The following CYP2A6 variants were observed in gnomAD, a reference collection of about 807,000 sequenced individuals.
The protein encoded by CYP2A6 is cytochrome P450 family 2 subfamily A member 6, also known as cytochrome P450 2A6.
Under a neutral mutation model 42.3 loss-of-function variants are expected in CYP2A6, and 27 were observed. That is an observed-to-expected ratio of 0.64 (90% CI 0.47 to 0.88). The LOEUF is 0.88. Ranked by LOEUF, CYP2A6 falls within the 40% of genes least tolerant of loss-of-function variation. CYP2A6 has a pLI of 0.00. For missense variants in CYP2A6, 628 were observed against 646.0 expected, an observed-to-expected ratio of 0.97 and a Z score of 0.30; for synonymous variants, 238 against 246.3, an observed-to-expected ratio of 0.97 and a Z score of 0.31.
chr19:40,850,296 C>A lies in CYP2A6; in HGVS notation c.131G>T (p.Gly44Val). 1 of 1,610,122 alleles carries A rather than the reference C, an allele frequency of 6.2e-7. No homozygotes were observed. Among genetic ancestry groups the A allele is most frequent in the Non-Finnish European group, 8.5e-7 (1 of 1,178,784 alleles). Residue 44 changes from glycine to valine, a missense_variant, in exon 1 of 9, where the codon GGA becomes GTA. Around this residue, in one of 2 missense-constraint regions of CYP2A6, gnomAD observed 606 missense variants for 568.1 expected, o/e 1.07. Transcript: ENST00000301141. ...CTCTGTGTTCAGCTGCAGGTAGTTT[C>A]CAATGAAGGGCAATGGGGTGGGTCC... ...PPGPTPLPFIGNYLQLNTEQM... is the reference protein window; with the variant it reads ...PPGPTPLPFIVNYLQLNTEQM...
intron 2 of CYP2A6, among the ~76,000 whole-genome samples, chr19:40,849,052 G>GAGAGAGAGAT (rs1967170911): frequency 8.2e-6 from 1 of 121,452 alleles, no homozygotes; most frequent in South Asian, 3.4e-4. Context: ...AGAGGAGAGA[G>GAGAGAGAGAT]AGAGAGAGAG....
rs1967191107 is a variant in CYP2A6 at position 40,849,994 on chromosome 19, G to T, written c.181-14C>A. 1 of 1,609,890 alleles carries T rather than the reference G, an allele frequency of 6.2e-7. No individual in the cohort carries two copies. The highest frequency in any genetic ancestry group is 8.5e-7 in the Non-Finnish European group (1 of 1,178,746). ...GCGCTCACTGATCTGATGGAGGTGG[G>T]TGGGAGTGGTTAGAGGGAGAAGCCT... On this transcript the variant is annotated splice_polypyrimidine_tract_variant and intron_variant, in intron 1 of 8. Coordinates refer to ENST00000301141, the MANE Select transcript of CYP2A6 (RefSeq NM_000762.6).
In CYP2A6 at chr19:40,848,625, C is replaced by G. The variant is rs778984180; in HGVS notation, c.482G>C (p.Arg161Pro). Reference sequence around the variant, plus strand: ...GGTCCCCTGCTCACCGCCAGTGCCCCGGAGGGCGTCGATGAGGAAGCCCGC... The same window carrying G: ...GGTCCCCTGCTCACCGCCAGTGCCCGGGAGGGCGTCGATGAGGAAGCCCGC... ...EEAGFLIDAL[R>P]GTGGANIDPT... is the part of the protein sequence containing the mutation. Residue 161 changes from arginine (R) to proline (P), a missense_variant, in exon 3 of 9, where the codon CGG (arginine) becomes CCG (proline). By Grantham distance (103) the Arg-to-Pro change is moderately radical. Around this residue, in one of 2 missense-constraint regions of CYP2A6, gnomAD observed 606 missense variants for 568.1 expected, o/e 1.07. Coordinates refer to ENST00000301141, the MANE Select transcript of CYP2A6 (RefSeq NM_000762.6). 7.4e-6 allele frequency: 12 copies of G among 1,611,408 alleles called. 1 individual carries two copies. The East Asian group carries it at 2.1e-4, about 28-fold the overall frequency.
chr19:40,847,748 G>A (rs1967125969), intron 4 of CYP2A6, among the ~76,000 whole-genome samples: 1 of 151,680 alleles, frequency 6.6e-6, no homozygotes, highest in Non-Finnish European at 1.5e-5. Flanking sequence ...AGGGCGCTTG[G>A]CCAGATATTC....
At chr19:40,848,157 A>C in intron 4 of CYP2A6, 62 bp downstream of exon 4, 1 of 1,596,158 alleles carries the variant, frequency 6.3e-7, no homozygotes, top group Non-Finnish European at 8.5e-7. Flanking sequence ...ACCTGTCTCC[A>C]GGTAGGGGAG....
In CYP2A6 at chr19:40,846,852, C is replaced by A. The variant is rs775542001; in HGVS notation, c.831+23G>T. On this transcript the variant is annotated intron_variant, in intron 5 of 8. Coordinates refer to ENST00000301141, the MANE Select transcript of CYP2A6 (RefSeq NM_000762.6). ...TCCCTCTGCCTGGCTTTGCATCTCC[C>A]CGCAGTGGCTGCTGGGGTGTACCTC... 5.0e-6 allele frequency: 8 copies of A among 1,609,972 alleles called. 1 individual carries two copies. The South Asian group carries it at 8.8e-5, about 18-fold the overall frequency.
At chr19:40,848,460 G>T in intron 3 of CYP2A6, 81 bp from the exon 4 acceptor site, 1 of 1,592,420 alleles carries the variant, frequency 6.3e-7, no homozygotes, top group Non-Finnish European at 8.6e-7. Context: ...AGGAGGCAGG[G>T]CCTTGTTGAG....
intron 2 of CYP2A6, among the ~76,000 whole-genome samples, chr19:40,849,044 AGG>A (rs1967169453): frequency 5.1e-4 from 7 of 13,810 alleles, no homozygotes; most frequent in African/African-American, 1.5e-3. Flanking sequence ...GAAGAGAGAG[AGG>A]AGAGAGAGAG....
chr19:40,848,690 C>A lies in CYP2A6; in HGVS notation c.417G>T (p.Gly139=). Residue 139 remains glycine (G), a synonymous_variant, in exon 3 of 9, where the codon GGG becomes GGT. Transcript: ENST00000301141. Reference sequence around the variant, plus strand: ...GCTCCTCGATGCCTCGCTTGCCCACCCCGAAGTCCCGCAGGGTGGCGATGG... The same window carrying A: ...GCTCCTCGATGCCTCGCTTGCCCACACCGAAGTCCCGCAGGGTGGCGATGG... ...RFSIATLRDF[G]VGKRGIEERI... 1 of 1,611,972 alleles carries A rather than the reference C, an allele frequency of 6.2e-7. No homozygotes were observed. Among genetic ancestry groups the A allele is most frequent in the Admixed American group, 1.7e-5 (1 of 60,010 alleles).
Position 40,846,231 on chromosome 19 carries a change from G to T in CYP2A6, c.832-134C>A, listed in dbSNP as rs183944406. On this transcript the variant is annotated intron_variant, in intron 5 of 8. Coordinates refer to ENST00000301141, the MANE Select transcript of CYP2A6 (RefSeq NM_000762.6). ...GAGGGACCCTAGATCTACCAGACTC[G>T]CTCTAGGTTCCAGCCCTTGCCCTGG... The T allele has an allele frequency of 2.4e-5, 31 of 1,293,162 alleles. No homozygotes were observed. The African/African-American group carries it at 4.2e-4, about 18-fold the overall frequency. 80.1% of individuals were successfully genotyped at this position (1,293,162 alleles called of 1,614,324 possible).
At chr19:40,848,165 G>A (rs1967132790) in intron 4 of CYP2A6, 54 bp downstream of exon 4, 2 of 1,600,438 alleles carry the variant, frequency 1.2e-6, no homozygotes, top group Admixed American at 1.7e-5. Context: ...CCAGGTAGGG[G>A]AGCAGTTGGC....
At position 40,843,593 on chromosome 19, in the gene CYP2A6, T is replaced by A; in HGVS notation, c.*203A>T. 1 of 948,186 alleles carries A rather than the reference T, an allele frequency of 1.1e-6. No homozygotes were observed. The highest frequency in any genetic ancestry group is 1.5e-6 in the Non-Finnish European group (1 of 655,494). 58.7% of individuals were successfully genotyped at this position (948,186 alleles called of 1,614,324 possible). A position where few individuals can be genotyped will look rare whatever the true frequency, so the allele number is the denominator to read the frequency against. On this transcript the variant is annotated 3_prime_UTR_variant, in exon 9 of 9. Coordinates refer to ENST00000301141, the MANE Select transcript of CYP2A6 (RefSeq NM_000762.6). ...TACTCTTCATAGCATAATGTAAGGG[T>A]TTCCTTCCTCTCATCCCAGCTCGGA...
chr19:40,847,625 G>T (rs1018646202), intron 4 of CYP2A6, among the ~76,000 whole-genome samples: 2 of 151,596 alleles, frequency 1.3e-5, no homozygotes, highest in African/African-American at 4.9e-5. Flanking sequence ...ATTGGAAAGG[G>T]TTGGGGAACA....
rs1219701563 is a variant in CYP2A6, at chr19:40,847,080, G to T, written c.655-29C>A. On this transcript the variant is annotated intron_variant, in intron 4 of 8. Transcript: ENST00000301141. ...GGGTTGCAGAGAGAGGATGGGAAGG[G>T]AAGGACAGCTGTCACGGGGCAGGAG... 1.9e-6 allele frequency: 3 copies of T among 1,606,228 alleles called. No individual in the cohort carries two copies. The Admixed American group carries it at 5.0e-5, about 27-fold the overall frequency.
chr19:40,848,971 A>AGAGAGAGG (rs1967156970), intron 2 of CYP2A6, among the ~76,000 whole-genome samples: 2 of 108,276 alleles, frequency 1.8e-5, no homozygotes, highest in African/African-American at 8.6e-5. Flanking sequence ...AGAGAGAGAG[A>AGAGAGAGG]GAGAGAAGAG....
Position 40,849,863 on chromosome 19 carries a change from C to T in CYP2A6, c.298G>A (p.Gly100Arg), listed in dbSNP as rs769272500. The T allele has an allele frequency of 1.6e-5, 26 of 1,611,342 alleles. 2 individuals are homozygous for T. The highest frequency in any genetic ancestry group is 1.4e-4 in the East Asian group (6 of 43,398). ...ALVDQAEEFS[G>R]RGEQATFDWV... Reference sequence around the variant, plus strand: ...TCGAAGGTGGCTTGCTCGCCTCGCCCGCTGAACTCCTCAGCCTGGTCCACC... The same window carrying T: ...TCGAAGGTGGCTTGCTCGCCTCGCCTGCTGAACTCCTCAGCCTGGTCCACC... The change falls in exon 2 of 9, where the codon GGG (glycine) becomes AGG (arginine). Residue 100 changes from glycine to arginine, a missense_variant. Physicochemically the swap from Gly to Arg is moderately radical, Grantham distance 125. Coordinates refer to ENST00000301141, the MANE Select transcript of CYP2A6 (RefSeq NM_000762.6).
intron 5 of CYP2A6, 95 bp from the exon 6 acceptor site, chr19:40,846,192 A>C (rs1967097321): frequency 1.3e-6 from 2 of 1,537,640 alleles, no homozygotes; most frequent in African/African-American, 1.4e-5. Flanking sequence ...TTTGGTTCAG[A>C]CCAAAGGTGG....
chr19:40,848,988 GAGAGAGAGAGAGAGAGA>G lies in CYP2A6; in HGVS notation c.344-242_344-226del, dbSNP rs1568516033. ...AGAGAGAGAGAGAGAAGAGAGAGAG[GAGAGAGAGAGAGAGAGA>G]GAGAGAAGAGAGAGAGGAGAGAGAG... is the stretch of plus-strand genomic sequence containing the variant. On this transcript the variant is annotated intron_variant, in intron 2 of 8. Coordinates refer to ENST00000301141, the MANE Select transcript of CYP2A6 (RefSeq NM_000762.6). Among the ~76,000 whole-genome samples the G allele has an allele frequency of 3.0e-3, 262 of 86,176 alleles. 4 individuals are homozygous for G. Among genetic ancestry groups the G allele is most frequent in the African/African-American group, 0.014 (246 of 17,846 alleles). The allele number at this position is 86,176 out of a possible 152,430, so 56.5% of individuals were successfully genotyped here.
Position 40,850,380 on chromosome 19 carries a change from G to A in CYP2A6, c.47C>T (p.Thr16Ile). The A allele has an allele frequency of 6.2e-7, 1 of 1,610,370 alleles. No homozygotes were observed. The highest frequency in any genetic ancestry group is 8.5e-7 in the Non-Finnish European group (1 of 1,178,868). ...CCAAACAGACATCAAGACCATTACAGTCAGGCAGACCAGCAAGGCCACCAG... is the reference window on the plus strand; with the variant it reads ...CCAAACAGACATCAAGACCATTACAATCAGGCAGACCAGCAAGGCCACCAG... ...MLLVALLVCL[T>I]VMVLMSVWQQ... The change falls in exon 1 of 9, where the codon ACT becomes ATT. Residue 16 changes from threonine (T) to isoleucine (I), a missense_variant. Physicochemically the swap from Thr to Ile is moderately conservative, Grantham distance 89 (BLOSUM62 -1). Coordinates refer to ENST00000301141, the MANE Select transcript of CYP2A6 (RefSeq NM_000762.6).
Sources: gnomAD v4.1 joint callset for allele counts (sites outside exome capture counted in the v4.1 genomes callset) on GRCh38, gnomAD v4.1.1 for gene constraint, gnomAD v4.1.1 regional missense constraint, MANE v1.5 for transcripts, NCBI Gene and HGNC (gene_info 2026-07-23, HGNC 2026-07-21) for gene names.